Variants in WASHC5 observed in about 807,000 individuals in gnomAD.
WASHC5 encodes WASH complex subunit strumpellin.
In WASHC5, 101 loss-of-function variants were observed where a neutral mutation model predicts 150.4. The observed-to-expected ratio is 0.67, with a 90% CI of 0.57 to 0.79. WASHC5 has a LOEUF of 0.79. WASHC5 is among the 30% of genes least tolerant of loss of function. The pLI, the probability that WASHC5 is intolerant of heterozygous loss-of-function variation, is 0.00. For synonymous variants in WASHC5, 467 were observed against 491.2 expected (o/e 0.95, Z 0.65); for missense variants, 1,195 against 1,396.3 (o/e 0.86, Z 2.30).
rs770814228 is a variant in WASHC5 at position 125,084,948 on chromosome 8, A to G, written c.-124-926T>C. Among the ~76,000 whole-genome samples the G allele has an allele frequency of 1.4e-4, 21 of 152,200 alleles. 1 individual carries two copies. Among genetic ancestry groups the G allele is most frequent in the Non-Finnish European group, 2.5e-4 (17 of 68,030 alleles). On this transcript the variant is annotated intron_variant, in intron 1 of 28. Coordinates refer to ENST00000318410, the MANE Select transcript of WASHC5 (RefSeq NM_014846.4). ...TTCTGATGTGAAGCCAGGATCATTA[A>G]AAGAGTAGAGAATGACTGGTCTTAT...
At position 125,047,276 on chromosome 8, in the gene WASHC5, G is replaced by T. The variant is rs908296433; in HGVS notation, c.2435C>A (p.Thr812Asn). 6.2e-7 allele frequency: 1 copy of T among 1,613,880 alleles called. No individual in the cohort carries two copies. Among genetic ancestry groups the T allele is most frequent in the Non-Finnish European group, 8.5e-7 (1 of 1,179,898 alleles). ...QSTHIPIPKF[T>N]PVDESVTFIG... ...AAACGTTACAGACTCATCCACAGGG[G>T]TAAACTTGGGTATTGGAATATGAGT... is the stretch of plus-strand genomic sequence containing the variant. The change falls in exon 20 of 29, where the codon ACC (threonine) becomes AAC (asparagine). Residue 812 changes from threonine to asparagine, a missense_variant. By Grantham distance (65) the Thr-to-Asn change is moderately conservative. Around this residue, in one of 3 missense-constraint regions of WASHC5, gnomAD observed 997 missense variants for 1,168.1 expected, o/e 0.85. Transcript: ENST00000318410.
At chr8:125,033,187 G>C (rs1371928317) in intron 26 of WASHC5, among the ~76,000 whole-genome samples, 2 of 152,164 alleles carry the variant, frequency 1.3e-5, no homozygotes, top group African/African-American at 4.8e-5. Context: ...AAAAAGAACA[G>C]TGTTGGGAAG....
chr8:125,080,236 A>G (rs1350061170), intron 5 of WASHC5, among the ~76,000 whole-genome samples: 1 of 152,024 alleles, frequency 6.6e-6, no homozygotes, highest in Non-Finnish European at 1.5e-5. Context: ...AAGGGGACAA[A>G]GCCATATTTT....
At chr8:125,042,952 T>G (rs1480802655) in intron 23 of WASHC5, among the ~76,000 whole-genome samples, 1 of 152,228 alleles carries the variant, frequency 6.6e-6, no homozygotes, top group Admixed American at 6.5e-5. Context: ...AATGAGAAAC[T>G]TATATAATTG....
intron 26 of WASHC5, among the ~76,000 whole-genome samples, chr8:125,035,542 A>G (rs1395141385): frequency 1.3e-5 from 2 of 152,230 alleles, no homozygotes; most frequent in African/African-American, 4.8e-5. Context: ...TTTGACCAAT[A>G]TATAGAAAGG....
At position 125,059,272 on chromosome 8, in the gene WASHC5, T is replaced by C. The variant is rs780468525; in HGVS notation, c.1714A>G (p.Ile572Val). 1.9e-6 allele frequency: 3 copies of C among 1,614,036 alleles called. No homozygotes were observed. The highest frequency in any genetic ancestry group is 1.7e-5 in the Admixed American group (1 of 60,008). The change falls in exon 14 of 29, where the codon ATA (isoleucine) becomes GTA (valine). Residue 572 changes from isoleucine to valine, a missense_variant. Ile to Val is a conservative substitution (Grantham distance 29, BLOSUM62 3). This residue lies in a region of WASHC5 where 997 missense variants were observed against 1,168.1 expected (regional missense o/e 0.85). Coordinates refer to ENST00000318410, the MANE Select transcript of WASHC5 (RefSeq NM_014846.4). The part of the protein sequence containing the change: ...DSFTSIMQES[I>V]RVNPSMVTKL... ...GTAACCATGGATGGATTTACCCTTATGCTTTCTTGCATGATGGATGTGAAA... is the reference window on the plus strand; with the variant it reads ...GTAACCATGGATGGATTTACCCTTACGCTTTCTTGCATGATGGATGTGAAA...
chr8:125,061,072 G>A lies in WASHC5; in HGVS notation c.1521+10C>T, dbSNP rs760233617. On this transcript the variant is annotated intron_variant, in intron 12 of 28. Coordinates refer to ENST00000318410, the MANE Select transcript of WASHC5 (RefSeq NM_014846.4). ...ATCCAAGAACCTGCATTTAAAAAGCGTTTCCTTACCTCTTCCAAAGCTTGT... is the reference window on the plus strand; with the variant it reads ...ATCCAAGAACCTGCATTTAAAAAGCATTTCCTTACCTCTTCCAAAGCTTGT... The A allele has an allele frequency of 7.3e-6, 11 of 1,515,348 alleles. No individual in the cohort carries two copies. Among genetic ancestry groups the A allele is most frequent in the Admixed American group, 5.0e-5 (3 of 59,802 alleles). 93.9% of individuals were successfully genotyped at this position (1,515,348 alleles called of 1,614,324 possible). A position where few individuals can be genotyped will look rare whatever the true frequency, so the allele number is the denominator to read the frequency against.
rs1816383335 is a variant in WASHC5, at chr8:125,055,668, C to T, written c.2020G>A (p.Ala674Thr). 3.1e-6 allele frequency: 5 copies of T among 1,589,310 alleles called. No individual in the cohort carries two copies. Among genetic ancestry groups the T allele is most frequent in the Non-Finnish European group, 4.3e-6 (5 of 1,157,718 alleles). Residue 674 changes from alanine (A) to threonine (T), a missense_variant, in exon 17 of 29, where the codon GCC (alanine) becomes ACC (threonine). This residue lies in a region of WASHC5 where 997 missense variants were observed against 1,168.1 expected (regional missense o/e 0.85). Transcript: ENST00000318410. The stretch of plus-strand genomic sequence containing the variant: ...ATGGAAATAGCATGAGTAAGCTTGG[C>T]AACCTATAACAAAGAAAAAGAGGTA... ...YAQLGPRYEV[A>T]KLTHAISIFT... is the part of the protein sequence containing the mutation.
intron 28 of WASHC5, 64 bp from the exon 29 acceptor site, chr8:125,024,737 C>A: frequency 3.6e-6 from 4 of 1,121,444 alleles, no homozygotes; most frequent in Non-Finnish European, 5.4e-6. Flanking sequence ...AATTTTCATA[C>A]GTAAAAGAAA....
At chr8:125,082,888 A>G (rs1817310783) in intron 3 of WASHC5, 1 of 441,592 alleles carries the variant, frequency 2.3e-6, no homozygotes, top group Non-Finnish European at 4.0e-6. Context: ...TATATGACTT[A>G]GTTAAACTAA....
chr8:125,064,719 C>T (rs1028131185), intron 10 of WASHC5, among the ~76,000 whole-genome samples: 1 of 151,844 alleles, frequency 6.6e-6, no homozygotes, highest in African/African-American at 2.4e-5. Flanking sequence ...AGGAGGTAAA[C>T]AGGCATGAAC....
At chr8:125,044,388 T>C in intron 21 of WASHC5, 148 bp downstream of exon 21, 1 of 869,238 alleles carries the variant, frequency 1.2e-6, no homozygotes, top group Non-Finnish European at 1.9e-6. Flanking sequence ...TATTCCCAGC[T>C]CTGATCTACC....
chr8:125,039,067 G>A, intron 24 of WASHC5, 108 bp from the exon 25 acceptor site: 3 of 1,225,932 alleles, frequency 2.4e-6, no homozygotes, highest in Non-Finnish European at 2.4e-6. Flanking sequence ...TTCCTCATCT[G>A]TAAAATGAGA....
intron 28 of WASHC5, among the ~76,000 whole-genome samples, chr8:125,026,174 G>A (rs1174799325): frequency 4.6e-5 from 7 of 152,168 alleles, no homozygotes; most frequent in Admixed American, 4.6e-4. Flanking sequence ...AGTGGAAACA[G>A]TAATTTTCGT....
intron 11 of WASHC5, among the ~76,000 whole-genome samples, chr8:125,062,114 T>A (rs922651915): frequency 6.6e-6 from 1 of 152,158 alleles, no homozygotes; most frequent in African/African-American, 2.4e-5. Context: ...CAAACACTCA[T>A]TTTTGAAGAT....
chr8:125,065,101 C>G (rs1816708155), intron 10 of WASHC5, among the ~76,000 whole-genome samples: 1 of 152,116 alleles, frequency 6.6e-6, no homozygotes, highest in African/African-American at 2.4e-5. Context: ...TCACATCTCA[C>G]AGGATGGAAT....
chr8:125,043,547 T>A (rs1436376636), intron 23 of WASHC5, among the ~76,000 whole-genome samples: 1 of 152,192 alleles, frequency 6.6e-6, no homozygotes, highest in Non-Finnish European at 1.5e-5. Flanking sequence ...AGTTCAATTT[T>A]CATATATAAA....
At position 125,083,151 on chromosome 8, in the gene WASHC5, T is replaced by C; in HGVS notation, c.294A>G (p.Ala98=). Residue 98 remains alanine (A), a synonymous_variant, in exon 3 of 29, where the codon GCA becomes GCG. Transcript: ENST00000318410. The part of the protein sequence containing the change: ...NIEIVTRFYL[A]FQSVHKYIVD... ...CAATATATTTATGTACACTTTGAAA[T>C]GCTAAATAAAATCTGGTCACAATTT... 6.4e-7 allele frequency: 1 copy of C among 1,569,306 alleles called. No individual in the cohort carries two copies.
intron 24 of WASHC5, 88 bp from the exon 25 acceptor site, chr8:125,039,047 A>G: frequency 7.2e-7 from 1 of 1,388,452 alleles, no homozygotes. Flanking sequence ...TAATCTTTTC[A>G]AGCCTCAGTT....
Sources: allele counts gnomAD v4.1 joint callset (sites outside exome capture counted in the v4.1 genomes callset), GRCh38; gene constraint gnomAD v4.1.1; regional missense constraint gnomAD v4.1.1; transcripts MANE v1.5; gene names NCBI Gene and HGNC (gene_info 2026-07-23, HGNC 2026-07-21).